The following ZNF185 variants were observed in gnomAD, a reference collection of about 807,000 sequenced individuals.
The protein encoded by ZNF185 is zinc finger protein 185.
Under a neutral mutation model 58.6 loss-of-function variants are expected in ZNF185, and 56 were observed. The observed-to-expected ratio is 0.95, with a 90% CI of 0.77 to 1.19. The LOEUF is 1.19. Ranked by LOEUF, ZNF185 falls within the 50% of genes most tolerant of loss-of-function variation. The pLI, the probability that ZNF185 is intolerant of heterozygous loss-of-function variation, is 0.00. For missense variants in ZNF185, 627 were observed against 573.5 expected, an observed-to-expected ratio of 1.09 and a Z score of -0.95; for synonymous variants, 230 against 215.9, an observed-to-expected ratio of 1.07 and a Z score of -0.57.
upstream of ZNF185, among the ~76,000 whole-genome samples, chrX:152,914,080 C>G (rs1268341417): frequency 2.7e-5 from 3 of 111,082 alleles, no homozygotes; most frequent in Non-Finnish European, 5.7e-5. Flanking sequence ...CCCTCTGAGT[C>G]CACCAGTGCC....
intron 21 of ZNF185, 87 bp downstream of exon 23, chrX:152,969,571 T>TA (rs2050466750): frequency 7.0e-6 from 5 of 718,039 alleles, no homozygotes; most frequent in Admixed American, 2.7e-5. Flanking sequence ...GCGGGAGTCT[T>TA]ACGGGTTCAG....
chrX:152,922,786 C>T, exon 11 of ZNF185: 2 of 1,197,845 alleles, frequency 1.7e-6, no homozygotes, highest in East Asian at 3.0e-5. Flanking sequence ...GTATGCCTAG[C>T]CCCGCTGGGA....
chrX:152,901,994 G>A, the ZNF185 span, among the ~76,000 whole-genome samples: 1 of 112,374 alleles, frequency 8.9e-6, no homozygotes, highest in Middle Eastern at 4.6e-3. Context: ...TTGGGAGTGT[G>A]CTCATTTCTC....
chrX:152,936,951 A>C (rs2046369043), intron 14 of ZNF185, among the ~76,000 whole-genome samples: 2 of 111,500 alleles, frequency 1.8e-5, no homozygotes, highest in Non-Finnish European at 3.8e-5. Flanking sequence ...GGGATGGGCA[A>C]AAATGGCTCC....
chrX:152,941,735 C>CGGCGG (rs1465382228), intron 15 of ZNF185: 1 of 1,163,728 alleles, frequency 8.6e-7, no homozygotes, highest in Admixed American at 2.6e-5. Context: ...AGCTCGGCCT[C>CGGCGG]GGCGGGGATT....
chrX:152,926,211 G>T (rs373405302), intron 11 of ZNF185, among the ~76,000 whole-genome samples: 32 of 112,393 alleles, frequency 2.8e-4, no homozygotes, highest in African/African-American at 1.0e-3. Context: ...CCTTGAGCAA[G>T]TCTCTTCATC....
At chrX:152,969,269 G>A (rs1458104939) in intron 20 of ZNF185, 113 bp from the exon 23 acceptor site, 2 of 570,828 alleles carry the variant, frequency 3.5e-6, no homozygotes, top group Non-Finnish European at 5.7e-6. Context: ...GGCATCCTGG[G>A]GATCCTGACA....
At position 152,969,626 on chromosome X, in the gene ZNF185, C is replaced by T. The variant is rs16996779; in HGVS notation, c.1974+142C>T. ...ATCTCCATATACAATTGCACATAGTCGCAGAGGCTTTGCACAACTGGGAGC... is the reference window on the plus strand; with the variant it reads ...ATCTCCATATACAATTGCACATAGTTGCAGAGGCTTTGCACAACTGGGAGC... On this transcript the variant is annotated intron_variant, in intron 21 of 22. Transcript: ENST00000449285. 4.3e-3 allele frequency: 2,039 copies of T among 478,773 alleles called. 29 individuals carry two copies. Among genetic ancestry groups the T allele is most frequent in the African/African-American group, 0.038 (1,610 of 41,880 alleles). The allele number at this position is 478,773 out of a possible 1,213,427, so 39.5% of individuals were successfully genotyped here.
intron 15 of ZNF185, chrX:152,941,935 GGCTTGA>G: frequency 9.9e-7 from 1 of 1,008,866 alleles, no homozygotes; most frequent in Non-Finnish European, 1.3e-6. Context: ...GGGCCCCTGC[GGCTTGA>G]GCTTGTTTCG....
intron 11 of ZNF185, among the ~76,000 whole-genome samples, chrX:152,925,754 A>T (rs1603224616): frequency 9.0e-6 from 1 of 111,711 alleles, no homozygotes; most frequent in Middle Eastern, 4.6e-3. Context: ...AGGAACAATG[A>T]CTCAATCAAA....
Position 152,965,454 on chromosome X carries a change from A to G in ZNF185, c.1726A>G (p.Ile576Val), listed in dbSNP as rs187473206. The G allele has an allele frequency of 3.4e-6, 4 of 1,179,110 alleles. No individual in the cohort carries two copies. In the Admixed American group the frequency reaches 9.7e-5, roughly 29 times the overall value. Reference sequence around the variant, plus strand: ...TCTGTGCTCCTTCTACAGCAAAGGGATTCTCTTCGTGAAGGAGTACGTGAA... The same window carrying G: ...TCTGTGCTCCTTCTACAGCAAAGGGGTTCTCTTCGTGAAGGAGTACGTGAA... The change falls in exon 19 of 23, where the codon ATT (isoleucine) becomes GTT (valine). Residue 576 changes from isoleucine to valine, a missense_variant. Physicochemically the swap from Ile to Val is conservative, Grantham distance 29. Transcript: ENST00000449285.
chrX:152,931,912 C>T (rs201717428), intron 13 of ZNF185, 136 bp downstream of exon 14: 1 of 185,353 alleles, frequency 5.4e-6, no homozygotes, highest in African/African-American at 5.8e-5. Flanking sequence ...TCCCACTGTT[C>T]CCCCAGTACC....
At position 152,964,865 on chromosome X, in the gene ZNF185, C is replaced by T. The variant is rs1450832409; in HGVS notation, c.1719-582C>T. Among the ~76,000 whole-genome samples the T allele has an allele frequency of 2.7e-5, 3 of 111,288 alleles. No homozygotes were observed. The Admixed American group carries it at 2.9e-4, about 11-fold the overall frequency. ...AAATGGGGGAAAATTTGGGGCCATC[C>T]TGAGCCCAGCATGATGCAGACCTTG... On this transcript the variant is annotated intron_variant, in intron 18 of 22. Coordinates refer to ENST00000449285, the Ensembl canonical transcript of ZNF185.
chrX:152,932,322 G>A (rs781861133), intron 13 of ZNF185, among the ~76,000 whole-genome samples: 53 of 112,496 alleles, frequency 4.7e-4, no homozygotes, highest in East Asian at 2.0e-3. Flanking sequence ...GAGCCATAGC[G>A]GTGGATGATG....
chrX:152,945,124 C>A, intron 15 of ZNF185, 143 bp from the exon 18 acceptor site: 1 of 622,262 alleles, frequency 1.6e-6, no homozygotes, highest in Non-Finnish European at 2.4e-6. Flanking sequence ...GGAATTGGGG[C>A]TGTGCCTGGC....
At chrX:152,917,729 A>G (rs1938796068) in intron 5 of ZNF185, 1 of 837,358 alleles carries the variant, frequency 1.2e-6, no homozygotes, top group African/African-American at 2.0e-5. Flanking sequence ...TGACTTGCTG[A>G]TGGCATTGAG....
Position 152,967,377 on chromosome X carries a change from C to T in ZNF185, c.1871+139C>T, listed in dbSNP as rs782392654. 59 of 555,122 alleles carry T rather than the reference C, an allele frequency of 1.1e-4. No homozygotes were observed. The South Asian group carries it at 1.3e-3, about 12-fold the overall frequency. 45.7% of individuals were successfully genotyped at this position (555,122 alleles called of 1,213,427 possible). ...TTTGCAGAAAGGTGAAGGACACTAC[C>T]GTAGGGTGGTGCTTCCCTTGTTGGG... On this transcript the variant is annotated intron_variant, in intron 20 of 22. Coordinates refer to ENST00000449285, the Ensembl canonical transcript of ZNF185.
At chrX:152,911,465 G>A (rs1937174846), upstream of ZNF185, among the ~76,000 whole-genome samples, 1 of 111,383 alleles carries the variant, frequency 9.0e-6, no homozygotes, top group Admixed American at 9.5e-5. Flanking sequence ...ACCAATGAGT[G>A]TTGCCTGGAG....
exon 23 of ZNF185, chrX:152,973,337 TC>T (rs1297549134): frequency 1.8e-5 from 2 of 112,676 alleles, no homozygotes; most frequent in Non-Finnish European, 3.7e-5. Flanking sequence ...CTCTCTCATG[TC>T]TAAAAAGGCA....
Sources: allele counts gnomAD v4.1 joint callset (sites outside exome capture counted in the v4.1 genomes callset), GRCh38; gene constraint gnomAD v4.1.1; transcripts MANE v1.5; gene names NCBI Gene and HGNC (gene_info 2026-07-23, HGNC 2026-07-21).